The following CIMAP1C variants were observed in gnomAD, a reference collection of about 807,000 sequenced individuals.
CIMAP1C encodes ciliary microtubule associated protein 1C, also known as outer dense fiber of sperm tails 3 like 1.
chr15:75,727,627 G>A, the CIMAP1C span: 3 of 1,330,580 alleles, frequency 2.3e-6, no homozygotes, highest in Non-Finnish European at 3.1e-6. Context: ...ATTTCTAGTA[G>A]CAGAGCCGGT....
the CIMAP1C span, chr15:75,726,162 T>C: frequency 1.3e-6 from 2 of 1,515,772 alleles, no homozygotes; most frequent in Non-Finnish European, 1.8e-6. Flanking sequence ...GGAGCGCATC[T>C]CCAACCTGCG....
chr15:75,725,145 G>T, the CIMAP1C span: 1 of 1,614,014 alleles, frequency 6.2e-7, no homozygotes, highest in Non-Finnish European at 8.5e-7. Context: ...CATCCTGCAC[G>T]GGCTACATAG....
the CIMAP1C span, chr15:75,724,298 C>T: frequency 1.2e-6 from 2 of 1,613,208 alleles, no homozygotes; most frequent in Non-Finnish European, 1.7e-6. Flanking sequence ...AGACCCCTGT[C>T]ATCATGGCCA....
the CIMAP1C span, chr15:75,724,341 C>G: frequency 1.9e-5 from 29 of 1,499,978 alleles, no homozygotes; most frequent in East Asian, 6.5e-4. Flanking sequence ...CCACCCTGGG[C>G]TTGGGCCCCC....
chr15:75,726,090 T>C, the CIMAP1C span: 2 of 1,613,974 alleles, frequency 1.2e-6, no homozygotes, highest in South Asian at 2.2e-5. Context: ...TGGGCCTTGC[T>C]ATCTCTTGGA....
chr15:75,726,982 G>T, the CIMAP1C span: 1 of 1,540,676 alleles, frequency 6.5e-7, no homozygotes, highest in Non-Finnish European at 8.8e-7. Flanking sequence ...TGGATAACCA[G>T]GACCATCAGT....
the CIMAP1C span, among the ~76,000 whole-genome samples, chr15:75,726,776 CA>C: frequency 6.6e-6 from 1 of 152,206 alleles, no homozygotes; most frequent in Admixed American, 6.5e-5. Context: ...CCACCACGCC[CA>C]GCTAATTTTT....
At chr15:75,727,186 T>C in the CIMAP1C span, 2 of 1,614,036 alleles carry the variant, frequency 1.2e-6, no homozygotes, top group Non-Finnish European at 1.7e-6. Flanking sequence ...TCAACCCGGC[T>C]CCCAACCAGT....
the CIMAP1C span, among the ~76,000 whole-genome samples, chr15:75,726,432 C>A: frequency 6.6e-6 from 1 of 152,172 alleles, no homozygotes; most frequent in African/African-American, 2.4e-5. Flanking sequence ...TGCGAACGAG[C>A]TCACAGACTG....
chr15:75,727,677 C>T, the CIMAP1C span: 5 of 891,726 alleles, frequency 5.6e-6, no homozygotes, highest in East Asian at 5.1e-5. Context: ...ATTAGAGATA[C>T]ATTTTCATGT....
chr15:75,727,510 G>C, the CIMAP1C span: 3 of 1,598,584 alleles, frequency 1.9e-6, no homozygotes, highest in African/African-American at 4.0e-5. Context: ...CACTCCACCT[G>C]TGCCCACTGG....
the CIMAP1C span, among the ~76,000 whole-genome samples, chr15:75,724,524 G>A: frequency 6.6e-5 from 10 of 152,208 alleles, no homozygotes; most frequent in Admixed American, 1.3e-4. Context: ...AGTGAGGCCC[G>A]CTTTGGAAAA....
chr15:75,726,173 T>G, the CIMAP1C span: 1 of 1,586,594 alleles, frequency 6.3e-7, no homozygotes. Context: ...CCAACCTGCG[T>G]AAGATGGGGT....
chr15:75,725,339 G>A, the CIMAP1C span: 1 of 772,864 alleles, frequency 1.3e-6, no homozygotes, highest in East Asian at 2.6e-5. Context: ...GGGCCCCCTG[G>A]GTCCAGAGGA....
At chr15:75,726,862 C>T in the CIMAP1C span, among the ~76,000 whole-genome samples, 1 of 152,132 alleles carries the variant, frequency 6.6e-6, no homozygotes, top group Admixed American at 6.5e-5. Context: ...GATCTGCCTG[C>T]CTTAGCCTCC....
chr15:75,727,270 G>T, the CIMAP1C span: 1 of 1,614,044 alleles, frequency 6.2e-7, no homozygotes, highest in Non-Finnish European at 8.5e-7. Context: ...TGGCCTCCAG[G>T]GACAAGAACT....
chr15:75,726,836 G>A, the CIMAP1C span, among the ~76,000 whole-genome samples: 778 of 152,164 alleles, frequency 5.1e-3, 5 homozygotes, highest in Non-Finnish European at 8.5e-3. Context: ...GGCTGGTCTC[G>A]AACTCCTGAT....
the CIMAP1C span, chr15:75,726,005 T>C: frequency 8.2e-7 from 1 of 1,223,224 alleles, no homozygotes; most frequent in South Asian, 1.3e-5. Flanking sequence ...GGCCAGGTGC[T>C]CAGTGGGGCA....
chr15:75,726,254 G>T, the CIMAP1C span: 1 of 826,896 alleles, frequency 1.2e-6, no homozygotes, highest in South Asian at 1.6e-5. Flanking sequence ...AGGGGCAAAG[G>T]GTCAAGACTT....
Sources: allele counts gnomAD v4.1 joint callset (sites outside exome capture counted in the v4.1 genomes callset), GRCh38; gene constraint gnomAD v4.1.1; transcripts MANE v1.5; gene names NCBI Gene and HGNC (gene_info 2026-07-23, HGNC 2026-07-21).